CNTN4: variants seen among roughly 807,000 people sequenced by gnomAD.
CNTN4 encodes contactin 4.
In CNTN4, 77 loss-of-function variants were observed where a neutral mutation model predicts 122.5. That is an observed-to-expected ratio of 0.63 (90% CI 0.52 to 0.76). The LOEUF (loss-of-function observed/expected upper bound fraction) is 0.76, where lower values mean the gene tolerates loss of function less well. CNTN4 is among the 30% of genes least tolerant of loss of function. CNTN4 has a pLI of 0.00. For missense variants in CNTN4, 1,256 were observed against 1,259.1 expected (o/e 1.00, Z 0.04); for synonymous variants, 512 against 447.0 (o/e 1.15, Z -1.83).
In CNTN4 at chr3:2,925,694, G is replaced by A; in HGVS notation, c.1273G>A (p.Val425Ile). 2 of 1,613,990 alleles carry A rather than the reference G, an allele frequency of 1.2e-6. No homozygotes were observed. The highest frequency in any genetic ancestry group is 1.7e-6 in the Non-Finnish European group (2 of 1,179,874). ...AACTCTTGTCAAAGTGGGAGGTGAA[G>A]TTGTCATTGAGTGTAAGCCAAAAGC... Reference protein sequence around the residue: ...RVTLVKVGGEVVIECKPKASP... With the variant: ...RVTLVKVGGEIVIECKPKASP... Residue 425 changes from valine (V) to isoleucine (I), a missense_variant, in exon 13 of 25, where the codon GTT becomes ATT. Coordinates refer to ENST00000418658, the MANE Select transcript of CNTN4 (RefSeq NM_175607.3).
At chr3:2,495,405 T>C (rs1313987147) in intron 3 of CNTN4, among the ~76,000 whole-genome samples, 2 of 152,236 alleles carry the variant, frequency 1.3e-5, no homozygotes, top group African/African-American at 2.4e-5. Context: ...ATATGACTTA[T>C]TCAATAAATC....
At chr3:2,194,681 C>T (rs1175264525) in intron 2 of CNTN4, among the ~76,000 whole-genome samples, 1 of 152,070 alleles carries the variant, frequency 6.6e-6, no homozygotes, top group Non-Finnish European at 1.5e-5. Flanking sequence ...TGATTGGCAT[C>T]ATTATAAGGA....
chr3:2,994,286 A>T (rs1250887365), intron 14 of CNTN4, among the ~76,000 whole-genome samples: 1 of 152,118 alleles, frequency 6.6e-6, no homozygotes, highest in African/African-American at 2.4e-5. Context: ...CTGGATTTTA[A>T]AAGAGTTCTT....
intron 8 of CNTN4, among the ~76,000 whole-genome samples, chr3:2,878,565 G>C (rs960340660): frequency 1.1e-4 from 17 of 150,404 alleles, no homozygotes; most frequent in African/African-American, 3.5e-4. Flanking sequence ...GTGTGTGTGT[G>C]TGTGTGTGTG....
At chr3:2,243,408 G>A (rs1044721766) in intron 2 of CNTN4, among the ~76,000 whole-genome samples, 1 of 152,120 alleles carries the variant, frequency 6.6e-6, no homozygotes, top group African/African-American at 2.4e-5. Flanking sequence ...TGTGTGGGCT[G>A]TATTAAAGGA....
intron 3 of CNTN4, among the ~76,000 whole-genome samples, chr3:2,479,768 G>T (rs542097893): frequency 6.6e-6 from 1 of 152,218 alleles, no homozygotes; most frequent in Admixed American, 6.5e-5. Context: ...GATTTGGACG[G>T]GTGAGCGTGT....
intron 7 of CNTN4, among the ~76,000 whole-genome samples, chr3:2,824,051 T>C (rs1405357412): frequency 6.6e-6 from 1 of 151,928 alleles, no homozygotes. Flanking sequence ...GCAGTGAGGG[T>C]TGACAGCTTG....
intron 4 of CNTN4, among the ~76,000 whole-genome samples, chr3:2,649,963 C>G (rs2150183465): frequency 6.7e-6 from 1 of 149,558 alleles, no homozygotes; most frequent in South Asian, 2.1e-4. Context: ...ACCCTGTCTA[C>G]TAAAAATACA....
At chr3:2,583,004 G>T (rs1324750363) in intron 4 of CNTN4, among the ~76,000 whole-genome samples, 1 of 151,906 alleles carries the variant, frequency 6.6e-6, no homozygotes, top group African/African-American at 2.4e-5. Flanking sequence ...TATGTTGCTT[G>T]GGCTGCATAA....
rs1227326509 is a variant in CNTN4, at chr3:2,460,890, AGT to A, written c.-88-110524_-88-110523del. ...TGGAAATAGTAGCAGTAGCTGAAAG[AGT>A]GAGAGTTCTCATGTAGCTTCCAGTT... is the stretch of plus-strand genomic sequence containing the variant. On this transcript the variant is annotated intron_variant, in intron 3 of 24. Coordinates refer to ENST00000418658, the MANE Select transcript of CNTN4 (RefSeq NM_175607.3). Among the ~76,000 whole-genome samples the A allele has an allele frequency of 3.7e-5, 3 of 80,908 alleles. No homozygotes were observed. In the East Asian group the frequency reaches 1.6e-3, roughly 42 times the overall value. 53.1% of individuals were successfully genotyped at this position (80,908 alleles called of 152,430 possible). A position where few individuals can be genotyped will look rare whatever the true frequency, so the allele number is the denominator to read the frequency against.
chr3:2,396,414 A>C (rs1320582968), intron 3 of CNTN4, among the ~76,000 whole-genome samples: 1 of 152,202 alleles, frequency 6.6e-6, no homozygotes, highest in Non-Finnish European at 1.5e-5. Flanking sequence ...GACCCACCGT[A>C]TGAAAACAGT....
intron 3 of CNTN4, among the ~76,000 whole-genome samples, chr3:2,471,583 C>G (rs902287785): frequency 6.6e-6 from 1 of 152,110 alleles, no homozygotes; most frequent in Non-Finnish European, 1.5e-5. Context: ...CCCTTTTAAT[C>G]TTATGATTGT....
intron 6 of CNTN4, among the ~76,000 whole-genome samples, chr3:2,813,736 C>A (rs531035265): frequency 2.6e-5 from 4 of 152,184 alleles, no homozygotes; most frequent in South Asian, 2.1e-4. Context: ...GATTTTATAT[C>A]CTCTAGACTA....
At chr3:2,399,107 A>G (rs1012382453) in intron 3 of CNTN4, among the ~76,000 whole-genome samples, 1 of 152,102 alleles carries the variant, frequency 6.6e-6, no homozygotes, top group Admixed American at 6.6e-5. Context: ...GGGGAAAAAA[A>G]GAAAGAAAAG....
chr3:2,986,621 G>C (rs1278430573), intron 13 of CNTN4, among the ~76,000 whole-genome samples: 2 of 152,166 alleles, frequency 1.3e-5, no homozygotes, highest in African/African-American at 4.8e-5. Flanking sequence ...TTTTTATAAT[G>C]CTTGCTCAAA....
At chr3:2,641,390 T>C (rs577260078) in intron 4 of CNTN4, among the ~76,000 whole-genome samples, 1 of 152,332 alleles carries the variant, frequency 6.6e-6, no homozygotes, top group African/African-American at 2.4e-5. Context: ...AACACTTAAA[T>C]TGTCCAGAAA....
At chr3:2,125,990 G>A (rs540298809) in intron 2 of CNTN4, among the ~76,000 whole-genome samples, 72 of 151,834 alleles carry the variant, frequency 4.7e-4, no homozygotes, top group Non-Finnish European at 8.1e-4. Flanking sequence ...TATACCTCGT[G>A]ATGAGTGTGA....
chr3:2,867,699 G>C (rs2093739191), intron 8 of CNTN4, among the ~76,000 whole-genome samples: 1 of 151,808 alleles, frequency 6.6e-6, no homozygotes, highest in Admixed American at 6.6e-5. Context: ...AGATGTCACT[G>C]TTTCCAGGAA....
intron 5 of CNTN4, 60 bp from the exon 6 acceptor site, chr3:2,745,462 C>T (rs2089700720): frequency 7.7e-7 from 1 of 1,306,292 alleles, no homozygotes; most frequent in Non-Finnish European, 1.1e-6. Flanking sequence ...ATATTTTAGA[C>T]AATTCAGAAA....
Sources: allele counts gnomAD v4.1 joint callset (sites outside exome capture counted in the v4.1 genomes callset), GRCh38; gene constraint gnomAD v4.1.1; transcripts MANE v1.5; gene names NCBI Gene and HGNC (gene_info 2026-07-23, HGNC 2026-07-21).